SEM1: variants seen among roughly 807,000 people sequenced by gnomAD.
The protein encoded by SEM1 is 26S proteasome complex subunit SEM1.
In SEM1, 3 loss-of-function variants were observed where a neutral mutation model predicts 12.7. The ratio of observed to expected loss-of-function variants is 0.24; its 90% CI spans 0.11 to 0.61. The LOEUF is 0.61. SEM1 is among the 20% of genes least tolerant of loss of function. The pLI is 0.88. For missense variants in SEM1, 59 were observed against 81.3 expected (o/e 0.73, Z 1.06); for synonymous variants, 30 against 27.8 (o/e 1.08, Z -0.25).
intron 2 of SEM1, among the ~76,000 whole-genome samples, chr7:96,578,067 A>G (rs1584778452): frequency 6.6e-6 from 1 of 152,262 alleles, no homozygotes; most frequent in Non-Finnish European, 1.5e-5. Context: ...TAGAAACTCA[A>G]TGGACTAAAC....
chr7:96,586,068 G>A (rs1403104277), intron 2 of SEM1, among the ~76,000 whole-genome samples: 1 of 152,110 alleles, frequency 6.6e-6, no homozygotes, highest in Non-Finnish European at 1.5e-5. Flanking sequence ...TGAACTCCTG[G>A]GCTCAAGTGA....
chr7:96,569,365 C>G (rs56049599), intron 2 of SEM1, among the ~76,000 whole-genome samples: 5,760 of 152,040 alleles, frequency 0.038, 349 homozygotes, highest in African/African-American at 0.13. Context: ...TTTGTGAATA[C>G]TGTGTACTTT....
intron 2 of SEM1, among the ~76,000 whole-genome samples, chr7:96,636,138 T>G (rs546059290): frequency 6.6e-6 from 1 of 152,182 alleles, no homozygotes; most frequent in African/African-American, 2.4e-5. Flanking sequence ...GACTATTGGC[T>G]TTGCATCAGG....
chr7:96,648,413 C>T (rs890990606), intron 2 of SEM1, among the ~76,000 whole-genome samples: 2 of 152,120 alleles, frequency 1.3e-5, no homozygotes, highest in Non-Finnish European at 2.9e-5. Flanking sequence ...CAGAATTTCC[C>T]GAGTTCTAAC....
chr7:96,483,892 G>C, exon 4 of SEM1: 2 of 1,536,758 alleles, frequency 1.3e-6, no homozygotes, highest in Non-Finnish European at 1.7e-6. Flanking sequence ...CCAGATTGTA[G>C]AGGTCACCCG....
At chr7:96,551,189 G>C (rs1050759871) in intron 2 of SEM1, among the ~76,000 whole-genome samples, 9 of 152,148 alleles carry the variant, frequency 5.9e-5, no homozygotes, top group Non-Finnish European at 1.3e-4. Flanking sequence ...CAACAGTACA[G>C]TTTTGAGGAA....
intron 2 of SEM1, among the ~76,000 whole-genome samples, chr7:96,554,694 A>G (rs199699700): frequency 8.6e-5 from 13 of 151,040 alleles, no homozygotes; most frequent in East Asian, 2.0e-4. Flanking sequence ...TTGGTATCAG[A>G]ATGATGCTGG....
At chr7:96,580,330 T>C (rs1377260695) in intron 2 of SEM1, among the ~76,000 whole-genome samples, 1 of 148,098 alleles carries the variant, frequency 6.8e-6, no homozygotes, top group Non-Finnish European at 1.5e-5. Context: ...TAGTATTCCA[T>C]GGTGTATATG....
At chr7:96,689,759 G>C (rs1789872258) in intron 2 of SEM1, among the ~76,000 whole-genome samples, 1 of 152,034 alleles carries the variant, frequency 6.6e-6, no homozygotes, top group African/African-American at 2.4e-5. Flanking sequence ...ATTATATCAA[G>C]GCCACAGATT....
chr7:96,487,741 C>T (rs1451652875), intron 1 of SEM1, among the ~76,000 whole-genome samples: 1 of 150,220 alleles, frequency 6.7e-6, no homozygotes, highest in Non-Finnish European at 1.5e-5. Context: ...CTTTCCATGA[C>T]ACCAGAGAGT....
chr7:96,641,838 A>G (rs1584827025), intron 2 of SEM1, among the ~76,000 whole-genome samples: 1 of 152,046 alleles, frequency 6.6e-6, no homozygotes, highest in East Asian at 1.9e-4. Context: ...AATGTTTATT[A>G]AGGTTTGAAC....
At chr7:96,596,144 G>A (rs757128673) in intron 2 of SEM1, among the ~76,000 whole-genome samples, 32 of 152,186 alleles carry the variant, frequency 2.1e-4, no homozygotes, top group Admixed American at 3.3e-4. Context: ...GCAGATGAAG[G>A]ATCAGATTGT....
At chr7:96,680,498 A>T (rs1789577813) in intron 2 of SEM1, among the ~76,000 whole-genome samples, 1 of 152,106 alleles carries the variant, frequency 6.6e-6, no homozygotes, top group African/African-American at 2.4e-5. Context: ...CAAAGATGAT[A>T]ATCTAGAGTT....
intron 2 of SEM1, among the ~76,000 whole-genome samples, chr7:96,535,579 T>G (rs1302246102): frequency 2.0e-5 from 3 of 151,888 alleles, no homozygotes. Flanking sequence ...CTAAGCATAG[T>G]GCCCAACAGT....
At chr7:96,666,304 C>G (rs926253795) in intron 2 of SEM1, among the ~76,000 whole-genome samples, 1 of 152,096 alleles carries the variant, frequency 6.6e-6, no homozygotes, top group Admixed American at 6.5e-5. Flanking sequence ...TGAGCATAAA[C>G]CATGGACAAC....
At chr7:96,609,809 T>C (rs889370151) in intron 2 of SEM1, among the ~76,000 whole-genome samples, 2 of 152,112 alleles carry the variant, frequency 1.3e-5, no homozygotes. Flanking sequence ...AAGGAAATAA[T>C]AAGGAGAATG....
intron 1 of SEM1, among the ~76,000 whole-genome samples, chr7:96,697,867 T>C (rs1186117533): frequency 6.6e-6 from 1 of 151,646 alleles, no homozygotes; most frequent in Non-Finnish European, 1.5e-5. Flanking sequence ...AAACAAATTA[T>C]TTTTTTTGAA....
At position 96,673,661 on chromosome 7, in the gene SEM1, T is replaced by G. The variant is rs1584853329; in HGVS notation, c.*99A>C. The stretch of plus-strand genomic sequence containing the variant: ...TCCCTCCTTACTGACTCCATGCACA[T>G]ATCCACATGACTAGTGCTCAATAAT... On this transcript the variant is annotated 3_prime_UTR_variant, in exon 3 of 3. Coordinates refer to the SEM1 transcript ENST00000413065. The G allele has an allele frequency of 4.3e-6, 3 of 701,776 alleles. No homozygotes were observed. The East Asian group carries it at 7.7e-5, about 18-fold the overall frequency. 43.5% of individuals were successfully genotyped at this position (701,776 alleles called of 1,614,324 possible). A position where few individuals can be genotyped will look rare whatever the true frequency, so the allele number is the denominator to read the frequency against.
rs558175894 is a variant in SEM1 at position 96,698,335 on chromosome 7, T to A, written c.77-3444A>T. 2.3e-4 allele frequency among the ~76,000 whole-genome samples: 35 copies of A among 152,172 alleles called. No individual in the cohort carries two copies. In the East Asian group the frequency reaches 6.6e-3, roughly 29 times the overall value. ...ATAGGAATACATGTGCCACAGTGGT[T>A]TGCTGCACCCATCAACCCATCACCT... On this transcript the variant is annotated intron_variant, in intron 1 of 2. Transcript: ENST00000248566.
Sources: gnomAD v4.1 joint callset for allele counts (sites outside exome capture counted in the v4.1 genomes callset) on GRCh38, gnomAD v4.1.1 for gene constraint, MANE v1.5 for transcripts, NCBI Gene and HGNC (gene_info 2026-07-23, HGNC 2026-07-21) for gene names.